ZFP91: variants seen among roughly 807,000 people sequenced by gnomAD.
ZFP91 encodes the protein ZFP91 zinc finger protein, atypical E3 ubiquitin ligase.
In ZFP91, 7 loss-of-function variants were observed where a neutral mutation model predicts 63.5. The ratio of observed to expected loss-of-function variants is 0.11; its 90% CI spans 0.06 to 0.21. ZFP91 has a LOEUF of 0.21. Ranked by LOEUF, ZFP91 falls within the 10% of genes least tolerant of loss-of-function variation. ZFP91 has a pLI of 1.00. For synonymous variants in ZFP91, 330 were observed against 272.1 expected (o/e 1.21, Z -2.10); for missense variants, 628 against 736.6 (o/e 0.85, Z 1.71).
chr11:58,592,330 C>A (rs12286637), intron 2 of ZFP91, among the ~76,000 whole-genome samples: 1,657 of 151,928 alleles, frequency 0.011, 38 homozygotes, highest in African/African-American at 0.038. Context: ...CAGATGATCT[C>A]CCTGCCTCAG....
At position 58,617,873 on chromosome 11, in the gene ZFP91, CCCCTGTTCT is replaced by C. The variant is rs1855776317; in HGVS notation, c.*172_*180del. The C allele has an allele frequency of 1.2e-6, 1 of 820,672 alleles. No individual in the cohort carries two copies. The highest frequency in any genetic ancestry group is 1.8e-5 in the African/African-American group (1 of 56,380). 50.8% of individuals were successfully genotyped at this position (820,672 alleles called of 1,614,324 possible). Reference sequence around the variant, plus strand: ...ATACATACACCCTCCACCTCCCCATCCCCTGTTCTCCCTCTGTTGCTCCCCTTATAAAAT... The same window carrying C: ...ATACATACACCCTCCACCTCCCCATCCCCTCTGTTGCTCCCCTTATAAAAT... On this transcript the variant is annotated 3_prime_UTR_variant, in exon 11 of 11. Transcript: ENST00000316059. This position sits in a 1 kb window ranked among gnomAD's most constrained non-coding sequence, Gnocchi z 4.2.
Position 58,617,609 on chromosome 11 carries a change from G to A in ZFP91, c.1616G>A (p.Gly539Asp). 1.2e-6 allele frequency: 2 copies of A among 1,604,072 alleles called. No homozygotes were observed. Among genetic ancestry groups the A allele is most frequent in the South Asian group, 2.2e-5 (2 of 89,272 alleles). The change falls in exon 11 of 11, where the codon GGC becomes GAC. Residue 539 changes from glycine to aspartate, a missense_variant. Physicochemically the swap from Gly to Asp is moderately conservative, Grantham distance 94 (BLOSUM62 -1). This residue lies in a region of ZFP91 where 115 missense variants were observed against 125.4 expected (regional missense o/e 0.92). Coordinates refer to ENST00000316059, the MANE Select transcript of ZFP91 (RefSeq NM_053023.5). The surrounding 1 kb of genome is among the most constrained non-coding windows in gnomAD (Gnocchi z 4.2). ...MADGKIFVGS[G>D]SSGGTEGLVM... ...GATGGGAAGATCTTTGTGGGAAGCG[G>A]CAGCAGTGGAGGCACTGAAGGGCTG...
chr11:58,592,026 T>G (rs1357012111), intron 2 of ZFP91, among the ~76,000 whole-genome samples: 1 of 151,830 alleles, frequency 6.6e-6, no homozygotes, highest in Non-Finnish European at 1.5e-5. Flanking sequence ...ACACAGAAAC[T>G]TTGAGGTAAT....
At chr11:58,585,724 A>G (rs1012876945) in intron 2 of ZFP91, among the ~76,000 whole-genome samples, 6 of 152,212 alleles carry the variant, frequency 3.9e-5, no homozygotes, top group Admixed American at 6.5e-5. Context: ...CATTTTATAT[A>G]TCAGTGTATG....
intron 2 of ZFP91, among the ~76,000 whole-genome samples, chr11:58,588,856 G>GT (rs1374290325): frequency 1.3e-5 from 2 of 152,010 alleles, no homozygotes; most frequent in African/African-American, 4.8e-5. Context: ...TACCATTTGA[G>GT]TTTGTGTACA....
intron 2 of ZFP91, among the ~76,000 whole-genome samples, chr11:58,602,809 G>A (rs1381661950): frequency 6.6e-6 from 1 of 152,136 alleles, no homozygotes; most frequent in Admixed American, 6.5e-5. Context: ...TTGGGATTGG[G>A]TAATGGATAT....
intron 9 of ZFP91, among the ~76,000 whole-genome samples, chr11:58,616,038 C>G (rs992163215): frequency 6.6e-6 from 1 of 152,212 alleles, no homozygotes; most frequent in East Asian, 1.9e-4. Context: ...CGTGTTACCA[C>G]ATTCATCAGA....
At position 58,609,879 on chromosome 11, in the gene ZFP91, A is replaced by G; in HGVS notation, c.420A>G (p.Glu140=). The G allele has an allele frequency of 1.2e-6, 2 of 1,614,224 alleles. No individual in the cohort carries two copies. Among genetic ancestry groups the G allele is most frequent in the Non-Finnish European group, 1.7e-6 (2 of 1,180,042 alleles). ...EEEDDSALPQ[E]VSIAASRPSR... Reference sequence around the variant, plus strand: ...AAGACGATTCTGCCCTCCCTCAGGAAGTTTCCATTGCTGCATCTAGACCTA... The same window carrying G: ...AAGACGATTCTGCCCTCCCTCAGGAGGTTTCCATTGCTGCATCTAGACCTA... Residue 140 remains glutamate, a synonymous_variant, in exon 3 of 11, where the codon GAA becomes GAG. Transcript: ENST00000316059.
At position 58,617,580 on chromosome 11, in the gene ZFP91, G is replaced by A. The variant is rs745339155; in HGVS notation, c.1587G>A (p.Met529Ile). 1.1e-5 allele frequency: 18 copies of A among 1,610,790 alleles called. No homozygotes were observed. The highest frequency in any genetic ancestry group is 1.4e-5 in the Non-Finnish European group (17 of 1,178,616). The change falls in exon 11 of 11, where the codon ATG becomes ATA. Residue 529 changes from methionine (M) to isoleucine (I), a missense_variant. Physicochemically the swap from Met to Ile is conservative, Grantham distance 10. Around this residue, in one of 3 missense-constraint regions of ZFP91, gnomAD observed 115 missense variants for 125.4 expected, o/e 0.92. Coordinates refer to ENST00000316059, the MANE Select transcript of ZFP91 (RefSeq NM_053023.5). This position sits in a 1 kb window ranked among gnomAD's most constrained non-coding sequence, Gnocchi z 4.2. ...YCSGTERVSLMADGKIFVGSG... is the reference protein window; with the variant it reads ...YCSGTERVSLIADGKIFVGSG... Reference sequence around the variant, plus strand: ...GTGGGACGGAACGGGTGAGCCTGATGGCTGATGGGAAGATCTTTGTGGGAA... The same window carrying A: ...GTGGGACGGAACGGGTGAGCCTGATAGCTGATGGGAAGATCTTTGTGGGAA...
At chr11:58,600,635 T>G (rs1330250184) in intron 2 of ZFP91, among the ~76,000 whole-genome samples, 1 of 152,166 alleles carries the variant, frequency 6.6e-6, no homozygotes, top group African/African-American at 2.4e-5. Flanking sequence ...TCCTTTTCAC[T>G]TTGGGTGCCT....
chr11:58,605,931 T>C (rs1326583295), intron 2 of ZFP91, among the ~76,000 whole-genome samples: 2 of 152,208 alleles, frequency 1.3e-5, no homozygotes, highest in African/African-American at 2.4e-5. Flanking sequence ...ATTCTTTTTT[T>C]CTTTATATTC....
At chr11:58,610,609 G>A (rs1487498250) in intron 4 of ZFP91, among the ~76,000 whole-genome samples, 1 of 152,136 alleles carries the variant, frequency 6.6e-6, no homozygotes, top group Non-Finnish European at 1.5e-5. Flanking sequence ...TTTGGCCAAG[G>A]TTTTGAGATT....
intron 2 of ZFP91, 34 bp from the exon 3 acceptor site, chr11:58,609,796 A>G: frequency 6.3e-7 from 1 of 1,589,702 alleles, no homozygotes; most frequent in Non-Finnish European, 8.6e-7. Context: ...GGTTAACTGT[A>G]AACTTAAAGA....
intron 9 of ZFP91, 27 bp from the exon 10 acceptor site, chr11:58,616,689 A>T: frequency 6.3e-7 from 1 of 1,597,076 alleles, no homozygotes; most frequent in Non-Finnish European, 8.6e-7. Context: ...TCTAAATAGA[A>T]CACTAACCAC....
chr11:58,606,259 G>C (rs1273719547), intron 2 of ZFP91, among the ~76,000 whole-genome samples: 1 of 152,156 alleles, frequency 6.6e-6, no homozygotes, highest in Non-Finnish European at 1.5e-5. Flanking sequence ...TAGAGACGGG[G>C]TTTTGCCATG....
chr11:58,584,605 T>C (rs1181221144), intron 1 of ZFP91, among the ~76,000 whole-genome samples: 1 of 152,128 alleles, frequency 6.6e-6, no homozygotes, highest in Non-Finnish European at 1.5e-5. Context: ...CATGTGGCTA[T>C]TTAAATTTAC....
chr11:58,616,668 T>C lies in ZFP91; in HGVS notation c.1103-48T>C, dbSNP rs546880847. ...TGCTTACTTACTGTAAGGGAAAATATTTACAGGGTATCTAAATAGAACACT... is the reference window on the plus strand; with the variant it reads ...TGCTTACTTACTGTAAGGGAAAATACTTACAGGGTATCTAAATAGAACACT... On this transcript the variant is annotated intron_variant, in intron 9 of 10. Transcript: ENST00000316059. 8.8e-5 allele frequency: 135 copies of C among 1,528,158 alleles called. No individual in the cohort carries two copies. The South Asian group carries it at 1.5e-3, about 17-fold the overall frequency. The allele number at this position is 1,528,158 out of a possible 1,614,324, so 94.7% of individuals were successfully genotyped here.
chr11:58,588,874 G>A (rs2134393611), intron 2 of ZFP91, among the ~76,000 whole-genome samples: 1 of 152,178 alleles, frequency 6.6e-6, no homozygotes, highest in Non-Finnish European at 1.5e-5. Context: ...ACAAAAGGAA[G>A]AATCGAGAAG....
chr11:58,618,495 A>C lies in ZFP91; in HGVS notation c.*789A>C, dbSNP rs994827036. The C allele has an allele frequency of 2.7e-6, 1 of 370,928 alleles. No homozygotes were observed. Among genetic ancestry groups the C allele is most frequent in the African/African-American group, 2.1e-5 (1 of 46,942 alleles). The allele number at this position is 370,928 out of a possible 1,614,324, so 23.0% of individuals were successfully genotyped here. On this transcript the variant is annotated 3_prime_UTR_variant, in exon 11 of 11. Transcript: ENST00000316059. ...GAGACGATGAGAAAAGTCCCAGGCT[A>C]ATGGCAGAAATTTGCACTTTGAACA...
Sources: allele counts gnomAD v4.1 joint callset (sites outside exome capture counted in the v4.1 genomes callset), GRCh38; gene constraint gnomAD v4.1.1; regional missense constraint gnomAD v4.1.1; non-coding constraint Gnocchi (gnomAD v3.1); transcripts MANE v1.5; gene names NCBI Gene and HGNC (gene_info 2026-07-23, HGNC 2026-07-21).